KCNIP1: variants seen among roughly 807,000 people sequenced by gnomAD.
The protein encoded by KCNIP1 is potassium voltage-gated channel interacting protein 1.
In KCNIP1, 18 loss-of-function variants were observed where a neutral mutation model predicts 33.0. That is an observed-to-expected ratio of 0.55 (90% CI 0.38 to 0.81). The LOEUF (loss-of-function observed/expected upper bound fraction) is 0.81. KCNIP1 is among the 30% of genes least tolerant of loss of function. The pLI is 0.00. For synonymous variants in KCNIP1, 93 were observed against 98.3 expected (o/e 0.95, Z 0.32); for missense variants, 238 against 271.6 (o/e 0.88, Z 0.87).
At chr5:170,557,937 G>C (rs1480305328) in intron 1 of KCNIP1, among the ~76,000 whole-genome samples, 2 of 152,172 alleles carry the variant, frequency 1.3e-5, no homozygotes, top group Non-Finnish European at 2.9e-5. Context: ...GCATTGCTGG[G>C]CCTTAAATAA....
intron 1 of KCNIP1, among the ~76,000 whole-genome samples, chr5:170,363,648 A>G (rs1763576735): frequency 1.3e-5 from 2 of 151,908 alleles, no homozygotes; most frequent in African/African-American, 4.8e-5. Context: ...GCAGACTAAT[A>G]CAGCCCCATA....
At chr5:170,444,275 G>A (rs1204184477) in intron 1 of KCNIP1, among the ~76,000 whole-genome samples, 1 of 152,120 alleles carries the variant, frequency 6.6e-6, no homozygotes, top group Admixed American at 6.5e-5. Context: ...CTTTTCCAGT[G>A]TCTAGAGGCT....
chr5:170,557,010 C>T (rs1051538756), intron 1 of KCNIP1, among the ~76,000 whole-genome samples: 2 of 152,322 alleles, frequency 1.3e-5, no homozygotes, highest in South Asian at 4.1e-4. Context: ...GGCTGTGTGA[C>T]CTTGAACAGG....
intron 1 of KCNIP1, among the ~76,000 whole-genome samples, chr5:170,420,978 C>A (rs1161536786): frequency 6.6e-6 from 1 of 152,152 alleles, no homozygotes; most frequent in African/African-American, 2.4e-5. Context: ...GAGCAGGAGC[C>A]ATTTGATTGG....
chr5:170,624,565 T>C lies in KCNIP1; in HGVS notation c.62-94193T>C, dbSNP rs1016588036. ...CTTCGGTTCTCATCACAATAATAAT[T>C]TCAGTTTTCAAGCATTGGAAAGTCC... On this transcript the variant is annotated intron_variant, in intron 1 of 7. Coordinates refer to ENST00000328939, the MANE Select transcript of KCNIP1 (RefSeq NM_014592.4). Among the ~76,000 whole-genome samples, 5 of 151,986 alleles carry C rather than the reference T, an allele frequency of 3.3e-5. No individual in the cohort carries two copies. In the East Asian group the frequency reaches 9.7e-4, roughly 29 times the overall value.
chr5:170,382,073 G>A (rs1047121399), intron 1 of KCNIP1, among the ~76,000 whole-genome samples: 1 of 152,062 alleles, frequency 6.6e-6, no homozygotes. Flanking sequence ...CATCAAGTCC[G>A]GACTGTCAGC....
chr5:170,656,803 G>A (rs1326074360), intron 1 of KCNIP1, among the ~76,000 whole-genome samples: 3 of 152,122 alleles, frequency 2.0e-5, no homozygotes, highest in Non-Finnish European at 4.4e-5. Context: ...CTGCATGGCT[G>A]CTTCCCACTG....
intron 1 of KCNIP1, among the ~76,000 whole-genome samples, chr5:170,668,950 C>T (rs1455970589): frequency 6.6e-6 from 1 of 152,146 alleles, no homozygotes; most frequent in Non-Finnish European, 1.5e-5. Flanking sequence ...TAAAATTGTT[C>T]CACTAGTCTT....
chr5:170,637,625 G>A (rs938444599), intron 1 of KCNIP1, among the ~76,000 whole-genome samples: 1 of 152,114 alleles, frequency 6.6e-6, no homozygotes, highest in African/African-American at 2.4e-5. Flanking sequence ...CCCACTGCCT[G>A]GAGCACTCTT....
intron 1 of KCNIP1, among the ~76,000 whole-genome samples, chr5:170,442,653 G>T (rs1270259293): frequency 6.6e-6 from 1 of 151,930 alleles, no homozygotes; most frequent in Non-Finnish European, 1.5e-5. Context: ...ACAATCTGGA[G>T]AAGACATCAC....
At chr5:170,609,497 A>AT (rs1181661617) in intron 1 of KCNIP1, among the ~76,000 whole-genome samples, 1 of 152,058 alleles carries the variant, frequency 6.6e-6, no homozygotes, top group East Asian at 1.9e-4. Context: ...CTTTTTGATT[A>AT]TTTTTTGTGC....
Position 170,451,298 on chromosome 5 carries a change from T to C in KCNIP1, c.88+97334T>C, listed in dbSNP as rs140428010. ...GTTTATAATGTTGGCCCTGCACTAG[T>C]CCTTCTACCTTATAGATAAGATTAT... On this transcript the variant is annotated intron_variant, in intron 1 of 7. Coordinates refer to the KCNIP1 transcript ENST00000377360. Among the ~76,000 whole-genome samples the C allele has an allele frequency of 1.3e-4, 20 of 152,340 alleles. No homozygotes were observed. The East Asian group carries it at 1.9e-3, about 15-fold the overall frequency.
chr5:170,530,994 A>C (rs1237981440), intron 1 of KCNIP1, among the ~76,000 whole-genome samples: 1 of 152,168 alleles, frequency 6.6e-6, no homozygotes, highest in African/African-American at 2.4e-5. Context: ...CCTCTTCGAG[A>C]TTCTCTGCAC....
chr5:170,510,872 G>C (rs988945920), intron 1 of KCNIP1, among the ~76,000 whole-genome samples: 5 of 152,160 alleles, frequency 3.3e-5, no homozygotes, highest in African/African-American at 1.2e-4. Context: ...CCTTTCATTG[G>C]TTCATAGCTG....
chr5:170,736,583 T>C lies in KCNIP1; in HGVS notation c.*777T>C, dbSNP rs1338839520. 1 of 152,210 alleles carries C rather than the reference T, an allele frequency of 6.6e-6. No homozygotes were observed. Among genetic ancestry groups the C allele is most frequent in the African/African-American group, 2.4e-5 (1 of 41,440 alleles). 9.4% of individuals were successfully genotyped at this position (152,210 alleles called of 1,614,324 possible). A position where few individuals can be genotyped will look rare whatever the true frequency, so the allele number is the denominator to read the frequency against. ...CCAGAATGCCTGCAAATTGCTGTAA[T>C]TTTATACCATGTTCTAACCAATAAA... is the stretch of plus-strand genomic sequence containing the variant. On this transcript the variant is annotated 3_prime_UTR_variant, in exon 8 of 8. Coordinates refer to ENST00000328939, the MANE Select transcript of KCNIP1 (RefSeq NM_014592.4).
chr5:170,529,901 A>G (rs1020379316), intron 1 of KCNIP1, among the ~76,000 whole-genome samples: 2 of 151,954 alleles, frequency 1.3e-5, no homozygotes, highest in African/African-American at 4.8e-5. Context: ...TCACCCTTCC[A>G]GGCCTTTCTT....
intron 1 of KCNIP1, among the ~76,000 whole-genome samples, chr5:170,553,996 C>T (rs1756750629): frequency 6.6e-6 from 1 of 152,206 alleles, no homozygotes; most frequent in African/African-American, 2.4e-5. Flanking sequence ...AGGGCCTAGA[C>T]TGGTGTGACA....
chr5:170,525,011 G>T (rs934649762), intron 1 of KCNIP1, among the ~76,000 whole-genome samples: 3 of 152,224 alleles, frequency 2.0e-5, no homozygotes, highest in Non-Finnish European at 4.4e-5. Flanking sequence ...GACATTTGAC[G>T]GTGGCAGCGT....
intron 1 of KCNIP1, among the ~76,000 whole-genome samples, chr5:170,525,438 A>G (rs1755531969): frequency 6.6e-6 from 1 of 152,256 alleles, no homozygotes; most frequent in African/African-American, 2.4e-5. Flanking sequence ...GGCTCAATCA[A>G]CATTTAAAAA....
Sources: allele counts gnomAD v4.1 joint callset (sites outside exome capture counted in the v4.1 genomes callset), GRCh38; gene constraint gnomAD v4.1.1; transcripts MANE v1.5; gene names NCBI Gene and HGNC (gene_info 2026-07-23, HGNC 2026-07-21).